NDRG1: variants seen among roughly 807,000 people sequenced by gnomAD.
NDRG1 encodes protein NDRG1.
Under a neutral mutation model 56.9 loss-of-function variants are expected in NDRG1, and 32 were observed. The ratio of observed to expected loss-of-function variants is 0.56; its 90% CI spans 0.42 to 0.76. The LOEUF (loss-of-function observed/expected upper bound fraction) is 0.76, where lower values mean the gene tolerates loss of function less well. Among genes scored for constraint, NDRG1 ranks in the 30% least tolerant of loss-of-function variants. NDRG1 has a pLI of 0.00. For missense variants in NDRG1, 507 were observed against 545.7 expected (o/e 0.93, Z 0.71); for synonymous variants, 211 against 204.1 (o/e 1.03, Z -0.29).
chr8:133,250,343 G>A (rs562789836), intron 10 of NDRG1, 97 bp downstream of exon 10: 90 of 1,134,960 alleles, frequency 7.9e-5, no homozygotes, highest in Admixed American at 2.5e-4. Flanking sequence ...TGCCTCTTCC[G>A]CTCATTTTAT....
intron 5 of NDRG1, among the ~76,000 whole-genome samples, chr8:133,261,373 C>T (rs979945100): frequency 5.9e-5 from 9 of 151,828 alleles, no homozygotes; most frequent in African/African-American, 1.9e-4. Flanking sequence ...CTCGGTGGTC[C>T]GCCCACCTTG....
chr8:133,290,686 C>T (rs185911817), intron 1 of NDRG1, among the ~76,000 whole-genome samples: 2 of 152,232 alleles, frequency 1.3e-5, no homozygotes, highest in African/African-American at 2.4e-5. Flanking sequence ...TGCCTCTCCT[C>T]CACCCTGCAG....
intron 1 of NDRG1, among the ~76,000 whole-genome samples, chr8:133,289,847 C>A (rs1306601995): frequency 2.6e-5 from 4 of 152,184 alleles, no homozygotes; most frequent in Non-Finnish European, 4.4e-5. Flanking sequence ...GGCATGGGGA[C>A]CCTGCCACTT....
chr8:133,275,508 G>A (rs999679359), intron 3 of NDRG1, among the ~76,000 whole-genome samples: 3 of 151,980 alleles, frequency 2.0e-5, no homozygotes, highest in Non-Finnish European at 2.9e-5. Context: ...TCTTTGTCAC[G>A]TGACTGGCTC....
chr8:133,244,552 G>T, intron 13 of NDRG1, 162 bp from the exon 14 acceptor site: 1 of 771,498 alleles, frequency 1.3e-6, no homozygotes, highest in Non-Finnish European at 2.2e-6. Context: ...GAACACTCCA[G>T]CCCCACCAGG....
chr8:133,244,383 T>G lies in NDRG1; in HGVS notation c.863A>C (p.Asp288Ala), dbSNP rs768756033. 3.1e-6 allele frequency: 5 copies of G among 1,614,206 alleles called. No individual in the cohort carries two copies. The highest frequency in any genetic ancestry group is 4.2e-6 in the Non-Finnish European group (5 of 1,180,024). ...GGAGATCTGCGGGAGGCCGCCACAG[T>G]CCGCCATCTAGGAGAGAGGGAAGCT... ...PTKTTLLKMA[D>A]CGGLPQISQP... is the part of the protein sequence containing the mutation. The change falls in exon 14 of 16, where the codon GAC becomes GCC. Residue 288 changes from aspartate (D) to alanine (A), a missense_variant. Physicochemically the swap from Asp to Ala is moderately radical, Grantham distance 126 (BLOSUM62 -2). Transcript: ENST00000323851.
chr8:133,278,273 A>AT (rs1469707061), intron 3 of NDRG1, among the ~76,000 whole-genome samples: 1 of 139,812 alleles, frequency 7.2e-6, no homozygotes, highest in Non-Finnish European at 1.5e-5. Context: ...CCCTGGGTGC[A>AT]TTTTTTCCCA....
chr8:133,268,580 C>T (rs1586459546), intron 3 of NDRG1, among the ~76,000 whole-genome samples: 1 of 152,166 alleles, frequency 6.6e-6, no homozygotes, highest in African/African-American at 2.4e-5. Context: ...ATTTGCTAAG[C>T]GCCTACGAAG....
In NDRG1 at chr8:133,238,982, G is replaced by A. The variant is rs779065972; in HGVS notation, c.1081C>T (p.Arg361Cys). 20 of 1,591,592 alleles carry A rather than the reference G, an allele frequency of 1.3e-5. No homozygotes were observed. The highest frequency in any genetic ancestry group is 2.3e-5 in the East Asian group (1 of 44,066). ...RSRSHTSEGTRSRSHTSEGAH... is the reference protein window; with the variant it reads ...RSRSHTSEGTCSRSHTSEGAH... The stretch of plus-strand genomic sequence containing the variant: ...CCCTCGCTGGTGTGCGAGCGGCTGC[G>A]GGTGCCCTCGCTGGTGTGGGAGCGG... The change falls in exon 16 of 16, where the codon CGC becomes TGC. Residue 361 changes from arginine (R) to cysteine (C), a missense_variant. Physicochemically the swap from Arg to Cys is radical, Grantham distance 180. Transcript: ENST00000323851.
At chr8:133,269,593 C>G (rs1243556552) in intron 3 of NDRG1, among the ~76,000 whole-genome samples, 1 of 152,234 alleles carries the variant, frequency 6.6e-6, no homozygotes, top group East Asian at 1.9e-4. Flanking sequence ...GGCCACACAG[C>G]TGGAATAATG....
At chr8:133,287,943 A>ACG (rs564777575) in intron 1 of NDRG1, among the ~76,000 whole-genome samples, 1,574 of 144,718 alleles carry the variant, frequency 0.011, 28 homozygotes, top group African/African-American at 0.04. Flanking sequence ...GCGTGCACAC[A>ACG]CGCACACACA....
chr8:133,295,092 G>C (rs1440339340), intron 1 of NDRG1, among the ~76,000 whole-genome samples: 2 of 152,140 alleles, frequency 1.3e-5, no homozygotes, highest in African/African-American at 4.8e-5. Flanking sequence ...TGCTCCAAAA[G>C]AACTTCCTCA....
At chr8:133,244,316 G>C in intron 14 of NDRG1, 39 bp downstream of exon 14, 1 of 1,613,130 alleles carries the variant, frequency 6.2e-7, no homozygotes. Context: ...CCAGGGGGAA[G>C]CGACAGCTGT....
At chr8:133,270,929 G>A (rs1375369146) in intron 3 of NDRG1, among the ~76,000 whole-genome samples, 2 of 152,194 alleles carry the variant, frequency 1.3e-5, no homozygotes, top group African/African-American at 2.4e-5. Context: ...ATGCTCCCAA[G>A]ACTAAAACCA....
Position 133,239,089 on chromosome 8 carries a change from C to T in NDRG1, c.974G>A (p.Arg325Gln), listed in dbSNP as rs1415629931. 17 of 1,568,152 alleles carry T rather than the reference C, an allele frequency of 1.1e-5. No individual in the cohort carries two copies. The highest frequency in any genetic ancestry group is 1.3e-5 in the Non-Finnish European group (15 of 1,156,548). The change falls in exon 16 of 16, where the codon CGG becomes CAG. Residue 325 changes from arginine to glutamine, a missense_variant. Physicochemically the swap from Arg to Gln is conservative, Grantham distance 43 (BLOSUM62 1). Transcript: ENST00000323851. ...MPSASMTRLM[R>Q]SRTASGSSVT... Reference sequence around the variant, plus strand: ...GCTGGAACCAGAGGCTGTGCGGGACCGCATCAGGCGGGTCATGCTAGCCGA... The same window carrying T: ...GCTGGAACCAGAGGCTGTGCGGGACTGCATCAGGCGGGTCATGCTAGCCGA...
intron 3 of NDRG1, among the ~76,000 whole-genome samples, chr8:133,266,922 G>A (rs969063369): frequency 8.5e-5 from 13 of 152,136 alleles, no homozygotes; most frequent in African/African-American, 2.9e-4. Context: ...TAAGACCAAC[G>A]ATTCTCAACC....
chr8:133,274,839 C>CTG (rs1408120045), intron 3 of NDRG1, among the ~76,000 whole-genome samples: 1 of 152,186 alleles, frequency 6.6e-6, no homozygotes, highest in Non-Finnish European at 1.5e-5. Flanking sequence ...TTCACAGCTG[C>CTG]CGCCCCTGGG....
At chr8:133,243,335 T>G (rs777806445) in intron 14 of NDRG1, among the ~76,000 whole-genome samples, 95 of 152,166 alleles carry the variant, frequency 6.2e-4, no homozygotes, top group Non-Finnish European at 1.2e-3. Context: ...AATACACGCT[T>G]GGGAATGAGA....
chr8:133,246,527 G>GCCTTTTTCAAGCCTAAC (rs1404510661), intron 13 of NDRG1, 89 bp downstream of exon 13: 1 of 1,302,832 alleles, frequency 7.7e-7, no homozygotes, highest in Non-Finnish European at 1.1e-6. Context: ...CGTGTGCCTT[G>GCCTTTTTCAAGCCTAAC]CCTTTTTCAA....
Sources: allele counts gnomAD v4.1 joint callset (sites outside exome capture counted in the v4.1 genomes callset), GRCh38; gene constraint gnomAD v4.1.1; transcripts MANE v1.5; gene names NCBI Gene and HGNC (gene_info 2026-07-23, HGNC 2026-07-21).